ASTN2: variants seen among roughly 807,000 people sequenced by gnomAD.
ASTN2 encodes the protein astrotactin-2.
A neutral mutation model predicts 139.8 loss-of-function variants in ASTN2; 54 were observed. The ratio of observed to expected loss-of-function variants is 0.39; its 90% CI spans 0.31 to 0.48. The LOEUF (loss-of-function observed/expected upper bound fraction) is 0.48. Among genes scored for constraint, ASTN2 ranks in the 20% least tolerant of loss-of-function variants. The pLI is 0.95. For missense variants in ASTN2, 1,565 were observed against 1,725.1 expected, an observed-to-expected ratio of 0.91 and a Z score of 1.64; for synonymous variants, 756 against 719.5, an observed-to-expected ratio of 1.05 and a Z score of -0.81.
Position 117,052,304 on chromosome 9 carries a change from G to A in ASTN2, c.1277-12339C>T, listed in dbSNP as rs56947610. ...AAATACAAAAAATTAGCCAGGCGTGGTGGTGGGCACCTGTAGTCCCAGCCT... is the reference window on the plus strand; with the variant it reads ...AAATACAAAAAATTAGCCAGGCGTGATGGTGGGCACCTGTAGTCCCAGCCT... On this transcript the variant is annotated intron_variant, in intron 5 of 22. Transcript: ENST00000313400. Among the ~76,000 whole-genome samples, 1,016 of 152,068 alleles carry A rather than the reference G, an allele frequency of 6.7e-3. 12 individuals carry two copies. Among genetic ancestry groups the A allele is most frequent in the African/African-American group, 0.023 (956 of 41,488 alleles).
intron 19 of ASTN2, among the ~76,000 whole-genome samples, chr9:116,510,979 T>C (rs1439962774): frequency 1.3e-5 from 2 of 152,206 alleles, no homozygotes; most frequent in Non-Finnish European, 2.9e-5. Flanking sequence ...CTTTTCCTAA[T>C]TGAGTACCCT....
chr9:117,153,021 T>C (rs1484131385), intron 3 of ASTN2, among the ~76,000 whole-genome samples: 3 of 152,114 alleles, frequency 2.0e-5, no homozygotes, highest in Non-Finnish European at 4.4e-5. Flanking sequence ...CAATTTCAAA[T>C]CCACATTGTT....
intron 10 of ASTN2, among the ~76,000 whole-genome samples, chr9:116,930,107 A>G (rs1411316951): frequency 1.3e-5 from 2 of 152,154 alleles, no homozygotes; most frequent in Non-Finnish European, 2.9e-5. Flanking sequence ...AACTGTGATG[A>G]GTGGGGAAGG....
At chr9:117,238,162 A>C (rs1314693471) in intron 2 of ASTN2, among the ~76,000 whole-genome samples, 2 of 152,192 alleles carry the variant, frequency 1.3e-5, no homozygotes, top group African/African-American at 4.8e-5. Context: ...AAGGAAGGGC[A>C]AAGACCCACT....
rs1838502625 is a variant in ASTN2, at chr9:117,039,906, T to G, written c.1336A>C (p.Ile446Leu). The change falls in exon 6 of 23, where the codon ATC becomes CTC. Residue 446 changes from isoleucine (I) to leucine (L), a missense_variant. This residue lies in a region of ASTN2 where 503 missense variants were observed against 591.7 expected (regional missense o/e 0.85). Transcript: ENST00000313400. ...TGGCTGCCACACACCATGGCCAGGATGCAGGAACTCACAGCAATCAGTGTC... is the reference window on the plus strand; with the variant it reads ...TGGCTGCCACACACCATGGCCAGGAGGCAGGAACTCACAGCAATCAGTGTC... Reference protein sequence around the residue: ...ALTLIAVSSCILAMVCGSQMS... With the variant: ...ALTLIAVSSCLLAMVCGSQMS... The G allele has an allele frequency of 1.9e-6, 3 of 1,613,852 alleles. No individual in the cohort carries two copies. The highest frequency in any genetic ancestry group is 2.5e-6 in the Non-Finnish European group (3 of 1,179,886).
chr9:116,477,043 C>T (rs1431976489), intron 20 of ASTN2, among the ~76,000 whole-genome samples: 2 of 152,114 alleles, frequency 1.3e-5, no homozygotes, highest in East Asian at 1.9e-4. Flanking sequence ...CCACCCCCTC[C>T]CCACTCCACA....
chr9:116,725,394 C>T (rs929079077), intron 16 of ASTN2, among the ~76,000 whole-genome samples: 13 of 151,878 alleles, frequency 8.6e-5, no homozygotes, highest in Middle Eastern at 3.4e-3. Context: ...TGGGTTCTCC[C>T]AAGAAGCCTG....
At chr9:116,733,807 T>G (rs375152377) in intron 13 of ASTN2, among the ~76,000 whole-genome samples, 3 of 152,268 alleles carry the variant, frequency 2.0e-5, no homozygotes, top group African/African-American at 7.2e-5. Context: ...GTCTATAAAG[T>G]GAGACTCAGA....
chr9:117,307,323 G>T (rs1214386943), intron 1 of ASTN2, among the ~76,000 whole-genome samples: 1 of 152,178 alleles, frequency 6.6e-6, no homozygotes, highest in Admixed American at 6.5e-5. Context: ...TATGAATACA[G>T]ACAATAATGC....
At chr9:116,815,523 A>AG (rs1831287686) in intron 12 of ASTN2, among the ~76,000 whole-genome samples, 1 of 152,086 alleles carries the variant, frequency 6.6e-6, no homozygotes, top group African/African-American at 2.4e-5. Flanking sequence ...AATGTTAATG[A>AG]GGCCGGGCGC....
intron 5 of ASTN2, among the ~76,000 whole-genome samples, chr9:117,040,230 A>G (rs1838517200): frequency 6.6e-6 from 1 of 152,100 alleles, no homozygotes; most frequent in Admixed American, 6.6e-5. Context: ...ACTCATGGCA[A>G]TTTTCACTCC....
chr9:116,593,527 G>T (rs185006473), intron 19 of ASTN2, among the ~76,000 whole-genome samples: 2 of 152,134 alleles, frequency 1.3e-5, no homozygotes, highest in Non-Finnish European at 2.9e-5. Flanking sequence ...AAGATCCTAT[G>T]CAAGCCAAGT....
At position 116,651,730 on chromosome 9, in the gene ASTN2, C is replaced by T. The variant is rs770753765; in HGVS notation, c.2870G>A (p.Gly957Asp). The change falls in exon 17 of 23, where the codon GGT (glycine) becomes GAT (aspartate). Residue 957 changes from glycine (G) to aspartate (D), a missense_variant. Gly to Asp is a moderately conservative substitution (Grantham distance 94, BLOSUM62 -1). This residue lies in a region of ASTN2 where 48 missense variants were observed against 90.7 expected (regional missense o/e 0.53). Transcript: ENST00000313400. ...KSMPFITYLS[G>D]LLTAQMLSDD... Reference sequence around the variant, plus strand: ...TGACAGCATCTGGGCTGTCAGCAAACCTGAGAGGTAGGTGATGAAGGGCAT... The same window carrying T: ...TGACAGCATCTGGGCTGTCAGCAAATCTGAGAGGTAGGTGATGAAGGGCAT... 3.7e-6 allele frequency: 6 copies of T among 1,614,136 alleles called. No individual in the cohort carries two copies. In the South Asian group the frequency reaches 6.6e-5, roughly 18 times the overall value.
chr9:116,440,594 C>T lies in ASTN2; in HGVS notation c.3782+15G>A. The T allele has an allele frequency of 6.2e-7, 1 of 1,611,420 alleles. No homozygotes were observed. Among genetic ancestry groups the T allele is most frequent in the Admixed American group, 1.7e-5 (1 of 59,976 alleles). Reference sequence around the variant, plus strand: ...AAAAGAATATGCCCCTCCAATCACACAAATACGCCCATACCTGGGCCCCAG... The same window carrying T: ...AAAAGAATATGCCCCTCCAATCACATAAATACGCCCATACCTGGGCCCCAG... On this transcript the variant is annotated intron_variant, in intron 22 of 22. Transcript: ENST00000313400.
chr9:117,133,396 T>C lies in ASTN2; in HGVS notation c.1168+7930A>G, dbSNP rs374804002. Reference sequence around the variant, plus strand: ...GCCAGTCAGTGGCAGAGCTAGGATGTGAATCCACATCTGTCTGACTCCAGA... The same window carrying C: ...GCCAGTCAGTGGCAGAGCTAGGATGCGAATCCACATCTGTCTGACTCCAGA... On this transcript the variant is annotated intron_variant, in intron 4 of 22. Coordinates refer to ENST00000313400, the MANE Select transcript of ASTN2 (RefSeq NM_001365068.1). 8.5e-5 allele frequency among the ~76,000 whole-genome samples: 13 copies of C among 152,314 alleles called. 1 individual carries two copies. In the East Asian group the frequency reaches 1.2e-3, roughly 14 times the overall value.
chr9:117,303,218 CT>C (rs1834918967), intron 1 of ASTN2, among the ~76,000 whole-genome samples: 1 of 152,050 alleles, frequency 6.6e-6, no homozygotes, highest in Non-Finnish European at 1.5e-5. Context: ...CCTCTGTGTC[CT>C]TTTTGGTAGC....
At chr9:117,292,231 A>C (rs1434829920) in intron 1 of ASTN2, among the ~76,000 whole-genome samples, 5 of 152,206 alleles carry the variant, frequency 3.3e-5, no homozygotes. Flanking sequence ...TGTAAAATTC[A>C]ATCTCCCAAC....
chr9:116,712,977 A>C (rs552626185), intron 16 of ASTN2, among the ~76,000 whole-genome samples: 41 of 152,214 alleles, frequency 2.7e-4, no homozygotes, highest in African/African-American at 9.9e-4. Context: ...CAGTCCTGAG[A>C]TGGAATCCTG....
intron 10 of ASTN2, among the ~76,000 whole-genome samples, chr9:116,874,221 T>G (rs1833238099): frequency 6.6e-6 from 1 of 152,168 alleles, no homozygotes; most frequent in Non-Finnish European, 1.5e-5. Flanking sequence ...GACTGGTGTT[T>G]TAGCTGACAC....
Sources: gnomAD v4.1 joint callset for allele counts (sites outside exome capture counted in the v4.1 genomes callset) on GRCh38, gnomAD v4.1.1 for gene constraint, gnomAD v4.1.1 regional missense constraint, MANE v1.5 for transcripts, NCBI Gene and HGNC (gene_info 2026-07-23, HGNC 2026-07-21) for gene names.